The following CYTH3 variants were observed in gnomAD, a reference collection of about 807,000 sequenced individuals.
The protein encoded by CYTH3 is cytohesin-3.
In CYTH3, 23 loss-of-function variants were observed where a neutral mutation model predicts 55.1. The observed-to-expected ratio is 0.42, with a 90% CI of 0.30 to 0.59. CYTH3 has a LOEUF of 0.59. Among genes scored for constraint, CYTH3 ranks in the 20% least tolerant of loss-of-function variants. The pLI is 0.20. For missense variants in CYTH3, 413 were observed against 524.8 expected (o/e 0.79, Z 2.08); for synonymous variants, 249 against 194.9 (o/e 1.28, Z -2.31).
At chr7:6,244,230 A>G (rs1242584218) in intron 1 of CYTH3, among the ~76,000 whole-genome samples, 1 of 152,222 alleles carries the variant, frequency 6.6e-6, no homozygotes, top group Non-Finnish European at 1.5e-5. Flanking sequence ...TGGGGGGAAA[A>G]AAACAGGTTT....
rs945377528 is a variant in CYTH3, at chr7:6,167,284, G to C, written c.824-1474C>G. Reference sequence around the variant, plus strand: ...CCACAGGGGAGGGCAGGAGACCCTGGGGGCAACCTGCCTTGTCCCACAGTC... The same window carrying C: ...CCACAGGGGAGGGCAGGAGACCCTGCGGGCAACCTGCCTTGTCCCACAGTC... On this transcript the variant is annotated intron_variant, in intron 9 of 12. Coordinates refer to ENST00000350796, the MANE Select transcript of CYTH3 (RefSeq NM_004227.4). This position sits in a 1 kb window ranked among gnomAD's most constrained non-coding sequence, Gnocchi z 5.5. 2.0e-5 allele frequency among the ~76,000 whole-genome samples: 3 copies of C among 152,164 alleles called. No homozygotes were observed. Among genetic ancestry groups the C allele is most frequent in the Non-Finnish European group, 4.4e-5 (3 of 68,024 alleles).
chr7:6,270,478 C>G (rs1780621300), intron 1 of CYTH3, among the ~76,000 whole-genome samples: 1 of 151,836 alleles, frequency 6.6e-6, no homozygotes, highest in African/African-American at 2.4e-5. Flanking sequence ...TGGTTTTTTT[C>G]CAATCTGAAA....
At chr7:6,264,228 C>G (rs1780426704) in intron 1 of CYTH3, among the ~76,000 whole-genome samples, 1 of 151,640 alleles carries the variant, frequency 6.6e-6, no homozygotes, top group African/African-American at 2.4e-5. Flanking sequence ...GCCTGGGCAA[C>G]AAGGGCAAAA....
Position 6,171,436 on chromosome 7 carries a change from A to G in CYTH3, c.450-122T>C. 1.2e-6 allele frequency: 1 copy of G among 809,378 alleles called. No homozygotes were observed. The allele number at this position is 809,378 out of a possible 1,614,324, so 50.1% of individuals were successfully genotyped here. ...CCCGAGCCTGGGGTACAGCTCTGGC[A>G]GGGGCTTGGGGGCGCAGAGACAGAA... On this transcript the variant is annotated intron_variant, in intron 6 of 12. Coordinates refer to ENST00000350796, the MANE Select transcript of CYTH3 (RefSeq NM_004227.4). The surrounding 1 kb of genome is among the most constrained non-coding windows in gnomAD (Gnocchi z 6.7).
chr7:6,190,105 T>C (rs987163538), intron 2 of CYTH3, among the ~76,000 whole-genome samples: 10 of 152,120 alleles, frequency 6.6e-5, no homozygotes, highest in African/African-American at 2.2e-4. Context: ...AGTGCACAAT[T>C]TGACAGAGCA....
intron 1 of CYTH3, among the ~76,000 whole-genome samples, chr7:6,264,042 T>C (rs534181811): frequency 6.6e-6 from 1 of 151,798 alleles, no homozygotes; most frequent in East Asian, 2.0e-4. Flanking sequence ...AGGTCAGAAG[T>C]TCAAGACCAG....
chr7:6,227,165 T>C (rs1779277446), intron 1 of CYTH3, among the ~76,000 whole-genome samples: 1 of 151,744 alleles, frequency 6.6e-6, no homozygotes, highest in Non-Finnish European at 1.5e-5. Context: ...AGAGGCTTTT[T>C]AAAGAATAAA....
At chr7:6,267,773 T>C (rs1186542499) in intron 1 of CYTH3, among the ~76,000 whole-genome samples, 4 of 152,128 alleles carry the variant, frequency 2.6e-5, no homozygotes, top group Non-Finnish European at 5.9e-5. Context: ...CTACCCGCCT[T>C]GGCCTCCCAA....
At chr7:6,225,209 T>TTA (rs945490634) in intron 1 of CYTH3, among the ~76,000 whole-genome samples, 7 of 152,198 alleles carry the variant, frequency 4.6e-5, no homozygotes, top group Non-Finnish European at 1.0e-4. Flanking sequence ...CAGTACAATA[T>TTA]TATATATATC....
chr7:6,272,553 G>C lies in CYTH3; in HGVS notation c.-46C>G, dbSNP rs1780695729. ...CGGCGAGCCGGGGGCCGGCAGCAGA[G>C]GGGCCGCGGGCTGGGGACGCCGCCG... On this transcript the variant is annotated 5_prime_UTR_variant, in exon 1 of 13. Coordinates refer to ENST00000350796, the MANE Select transcript of CYTH3 (RefSeq NM_004227.4). 1 of 1,270,636 alleles carries C rather than the reference G, an allele frequency of 7.9e-7. No individual in the cohort carries two copies. The highest frequency in any genetic ancestry group is 1.9e-5 in the South Asian group (1 of 53,276). 78.7% of individuals were successfully genotyped at this position (1,270,636 alleles called of 1,614,324 possible). A position where few individuals can be genotyped will look rare whatever the true frequency, so the allele number is the denominator to read the frequency against.
At chr7:6,226,194 A>C (rs554634512) in intron 1 of CYTH3, among the ~76,000 whole-genome samples, 1 of 152,318 alleles carries the variant, frequency 6.6e-6, no homozygotes, top group Admixed American at 6.5e-5. Flanking sequence ...GGGCTCTGAG[A>C]GGTCTCCCTA....
At chr7:6,187,249 C>T in intron 3 of CYTH3, 133 bp from the exon 4 acceptor site, 2 of 870,122 alleles carry the variant, frequency 2.3e-6, no homozygotes, top group South Asian at 3.0e-5. Context: ...GGAGGGGCCC[C>T]CAGTCTCCGC....
In CYTH3 at chr7:6,190,540, A is replaced by G. The variant is rs1783776529; in HGVS notation, c.35-9T>C. The stretch of plus-strand genomic sequence containing the variant: ...TGAGAGGTCTTCAGGCACTGAAAGA[A>G]GAAAAAAATAATTAACTACTTTGGA... On this transcript the variant is annotated splice_polypyrimidine_tract_variant and intron_variant, in intron 1 of 12. Coordinates refer to ENST00000350796, the MANE Select transcript of CYTH3 (RefSeq NM_004227.4). 1 of 1,502,584 alleles carries G rather than the reference A, an allele frequency of 6.7e-7. No individual in the cohort carries two copies. The highest frequency in any genetic ancestry group is 8.8e-7 in the Non-Finnish European group (1 of 1,136,742). The allele number at this position is 1,502,584 out of a possible 1,614,324, so 93.1% of individuals were successfully genotyped here.
Position 6,190,442 on chromosome 7 carries a change from T to G in CYTH3, c.117+7A>C. On this transcript the variant is annotated splice_region_variant and intron_variant, in intron 2 of 12. Transcript: ENST00000350796. ...TTGGATTTTTGGTTTTTTTTTTTTTTTTTTACCTCAATGTCATCAATAAGT... is the reference window on the plus strand; with the variant it reads ...TTGGATTTTTGGTTTTTTTTTTTTTGTTTTACCTCAATGTCATCAATAAGT... The G allele has an allele frequency of 6.7e-7, 1 of 1,487,204 alleles. No individual in the cohort carries two copies. The highest frequency in any genetic ancestry group is 8.8e-7 in the Non-Finnish European group (1 of 1,132,448). The allele number at this position is 1,487,204 out of a possible 1,614,324, so 92.1% of individuals were successfully genotyped here. A position where few individuals can be genotyped will look rare whatever the true frequency, so the allele number is the denominator to read the frequency against.
chr7:6,206,826 A>C (rs1400462113), intron 1 of CYTH3, among the ~76,000 whole-genome samples: 1 of 152,162 alleles, frequency 6.6e-6, no homozygotes, highest in East Asian at 1.9e-4. Context: ...TCTACCTTAT[A>C]TCCTGTGGCT....
intron 1 of CYTH3, among the ~76,000 whole-genome samples, chr7:6,226,480 G>A (rs1329000937): frequency 6.6e-6 from 1 of 152,198 alleles, no homozygotes; most frequent in Non-Finnish European, 1.5e-5. Flanking sequence ...AGGCAAGCTG[G>A]AGTAGAATCC....
chr7:6,167,480 CAG>C lies in CYTH3; in HGVS notation c.824-1672_824-1671del, dbSNP rs2128536143. Among the ~76,000 whole-genome samples the C allele has an allele frequency of 6.6e-6, 1 of 152,380 alleles. No homozygotes were observed. Among genetic ancestry groups the C allele is most frequent in the South Asian group, 2.1e-4 (1 of 4,832 alleles). ...TGTCACGGTCGCCTCTGCTTCCCTC[CAG>C]AGACTCCAGAGCAGGCCCCGCTCCA... is the stretch of plus-strand genomic sequence containing the variant. On this transcript the variant is annotated intron_variant, in intron 9 of 12. Coordinates refer to ENST00000350796, the MANE Select transcript of CYTH3 (RefSeq NM_004227.4). This position sits in a 1 kb window ranked among gnomAD's most constrained non-coding sequence, Gnocchi z 5.5.
chr7:6,250,088 T>C (rs1036712697), intron 1 of CYTH3, among the ~76,000 whole-genome samples: 8 of 152,200 alleles, frequency 5.3e-5, no homozygotes, highest in Non-Finnish European at 1.2e-4. Flanking sequence ...TTTGTTGTCC[T>C]ATGTCCACCA....
In CYTH3 at chr7:6,164,995, G is replaced by A. The variant is rs1233652161; in HGVS notation, c.1149C>T (p.Pro383=). The A allele has an allele frequency of 3.7e-6, 6 of 1,614,120 alleles. No homozygotes were observed. Among genetic ancestry groups the A allele is most frequent in the Non-Finnish European group, 5.1e-6 (6 of 1,180,052 alleles). The part of the protein sequence containing the change: ...KSIKASISRD[P]FYDMLATRKR... The stretch of plus-strand genomic sequence containing the variant: ...TCCTCGTTGCCAACATGTCATAGAA[G>A]GGATCTCTGCTGATACTGGCTCTGG... Residue 383 remains proline (P), a synonymous_variant, in exon 13 of 13, where the codon CCC becomes CCT. Transcript: ENST00000350796.
Sources: allele counts gnomAD v4.1 joint callset (sites outside exome capture counted in the v4.1 genomes callset), GRCh38; gene constraint gnomAD v4.1.1; non-coding constraint Gnocchi (gnomAD v3.1); transcripts MANE v1.5; gene names NCBI Gene and HGNC (gene_info 2026-07-23, HGNC 2026-07-21).